Variants in CASKIN1 observed in about 807,000 individuals in gnomAD.
CASKIN1 encodes the protein CASK interacting protein 1.
A neutral mutation model predicts 117.5 loss-of-function variants in CASKIN1; 42 were observed. The ratio of observed to expected loss-of-function variants is 0.36; its 90% CI spans 0.28 to 0.46. CASKIN1 has a LOEUF of 0.46. CASKIN1 is among the 20% of genes least tolerant of loss of function. The pLI is 1.00. For missense variants in CASKIN1, 2,083 were observed against 2,077.3 expected, an observed-to-expected ratio of 1.00 and a Z score of -0.05; for synonymous variants, 1,148 against 961.7, an observed-to-expected ratio of 1.19 and a Z score of -3.59.
intron 1 of CASKIN1, 37 bp from the exon 2 acceptor site, chr16:2,190,395 G>T: frequency 6.5e-7 from 1 of 1,548,412 alleles, no homozygotes; most frequent in Non-Finnish European, 8.7e-7. Context: ...GGGAGGCTGT[G>T]CCAGCCCCTC....
intron 6 of CASKIN1, 76 bp from the exon 7 acceptor site, chr16:2,187,537 A>G: frequency 1.7e-6 from 2 of 1,194,106 alleles, no homozygotes; most frequent in Non-Finnish European, 2.4e-6. Context: ...CCAGGCCTCC[A>G]TTTCCAGGTA....
At chr16:2,194,543 C>A (rs1275656622) in intron 1 of CASKIN1, among the ~76,000 whole-genome samples, 4 of 152,240 alleles carry the variant, frequency 2.6e-5, no homozygotes, top group Non-Finnish European at 5.9e-5. Flanking sequence ...TGCTGGACAC[C>A]CCCCACCTCG....
rs779952744 is a variant in CASKIN1 at position 2,180,581 on chromosome 16, G to A, written c.2787C>T (p.Asn929=). 9.6e-6 allele frequency: 15 copies of A among 1,570,426 alleles called. No individual in the cohort carries two copies. The African/African-American group carries it at 1.5e-4, about 16-fold the overall frequency. ...SVRAPAGADK[N]VNRSQSFAVR... ...CGGCAAAGGACTGGCTGCGGTTGACGTTCTTGTCGGCACCTGCGGGCGCCC... is the reference window on the plus strand; with the variant it reads ...CGGCAAAGGACTGGCTGCGGTTGACATTCTTGTCGGCACCTGCGGGCGCCC... Residue 929 remains asparagine, a synonymous_variant, in exon 18 of 20, where the codon AAC becomes AAT. Coordinates refer to ENST00000343516, the MANE Select transcript of CASKIN1 (RefSeq NM_020764.4).
In CASKIN1 at chr16:2,181,519, G is replaced by A. The variant is rs556281885; in HGVS notation, c.1849C>T (p.Pro617Ser). ...KAEYAKYEGG[P>S]LRRKAPQSLE... ...GACTGGGGCGCCTTCCGGCGCAGGGGGCCCCCCTCATACTTGGCGTATTCA... is the reference window on the plus strand; with the variant it reads ...GACTGGGGCGCCTTCCGGCGCAGGGAGCCCCCCTCATACTTGGCGTATTCA... Residue 617 changes from proline (P) to serine (S), a missense_variant, in exon 18 of 20, where the codon CCC becomes TCC. Coordinates refer to ENST00000343516, the MANE Select transcript of CASKIN1 (RefSeq NM_020764.4). The A allele has an allele frequency of 1.7e-4, 281 of 1,607,220 alleles. No individual in the cohort carries two copies. Among genetic ancestry groups the A allele is most frequent in the Admixed American group, 5.9e-4 (35 of 59,352 alleles).
rs2093157762 is a variant in CASKIN1, at chr16:2,179,301, G to A, written c.3800C>T (p.Pro1267Leu). 12 of 1,232,520 alleles carry A rather than the reference G, an allele frequency of 9.7e-6. No homozygotes were observed. The East Asian group carries it at 3.6e-4, about 37-fold the overall frequency. The allele number at this position is 1,232,520 out of a possible 1,614,324, so 76.3% of individuals were successfully genotyped here. A position where few individuals can be genotyped will look rare whatever the true frequency, so the allele number is the denominator to read the frequency against. ...SPEVKRAHGT[P>L]PPVSPKPPPP... ...CGGCGGCTTGGGAGACACGGGCGGT[G>A]GCGTGCCGTGGGCGCGCTTCACCTC... The change falls in exon 19 of 20, where the codon CCA becomes CTA. Residue 1267 changes from proline to leucine, a missense_variant. By Grantham distance (98) the Pro-to-Leu change is moderately conservative. Coordinates refer to ENST00000343516, the MANE Select transcript of CASKIN1 (RefSeq NM_020764.4). The surrounding 1 kb of genome is among the most constrained non-coding windows in gnomAD (Gnocchi z 5.8).
chr16:2,186,780 A>T lies in CASKIN1; in HGVS notation c.975T>A (p.His325Gln). 1 of 1,613,006 alleles carries T rather than the reference A, an allele frequency of 6.2e-7. No individual in the cohort carries two copies. The stretch of plus-strand genomic sequence containing the variant: ...CCCGGTCATTGCCCGTCCGGTTGTC[A>T]TGGATGCAGCCCTTCCACCGGCCAT... Reference protein sequence around the residue: ...HPDGRWKGCIHDNRTGNDRVG... With the variant: ...HPDGRWKGCIQDNRTGNDRVG... The change falls in exon 10 of 20, where the codon CAT (histidine) becomes CAA (glutamine). Residue 325 changes from histidine (H) to glutamine (Q), a missense_variant. By Grantham distance (24) the His-to-Gln change is conservative. Around this residue, in one of 3 missense-constraint regions of CASKIN1, gnomAD observed 1,818 missense variants for 1,688.9 expected, o/e 1.08. Coordinates refer to ENST00000343516, the MANE Select transcript of CASKIN1 (RefSeq NM_020764.4).
intron 2 of CASKIN1, 37 bp downstream of exon 2, chr16:2,190,270 T>C: frequency 1.3e-6 from 2 of 1,579,646 alleles, no homozygotes; most frequent in Non-Finnish European, 8.6e-7. Context: ...GGAGCCACCC[T>C]CCCTTCCAGG....
rs1412147424 is a variant in CASKIN1, at chr16:2,178,042, T to C, written c.*508A>G. On this transcript the variant is annotated 3_prime_UTR_variant, in exon 20 of 20. Transcript: ENST00000343516. ...AATCAATAATATTTCTTTCTTTAAA[T>C]ATATATTTGTTAAAGTTATACCTTT... 4 of 458,030 alleles carry C rather than the reference T, an allele frequency of 8.7e-6. No individual in the cohort carries two copies. Among genetic ancestry groups the C allele is most frequent in the Non-Finnish European group, 1.6e-5 (4 of 243,094 alleles). 28.4% of individuals were successfully genotyped at this position (458,030 alleles called of 1,614,324 possible).
Position 2,184,975 on chromosome 16 carries a change from C to G in CASKIN1, c.1300G>C (p.Ala434Pro). The change falls in exon 13 of 20, where the codon GCC (alanine) becomes CCC (proline). Residue 434 changes from alanine to proline, a missense_variant. Ala to Pro is a conservative substitution (Grantham distance 27, BLOSUM62 -1). Coordinates refer to ENST00000343516, the MANE Select transcript of CASKIN1 (RefSeq NM_020764.4). ...VSESGPGDSP[A>P]KPPEGSAGVA... ...CCTGCAGAGCCTTCCGGAGGCTTGG[C>G]GGGGCTGTCCCCCGGGCCGGACTCA... The G allele has an allele frequency of 6.2e-7, 1 of 1,605,854 alleles. No individual in the cohort carries two copies.
At chr16:2,181,660 TA>T (rs2093168587) in intron 17 of CASKIN1, 61 bp from the exon 18 acceptor site, 1 of 832,340 alleles carries the variant, frequency 1.2e-6, no homozygotes, top group Non-Finnish European at 1.5e-6. Flanking sequence ...GGGGCCGGGC[TA>T]GGGGCGGGGC....
In CASKIN1 at chr16:2,183,758, G is replaced by A; in HGVS notation, c.1528-11C>T. 6.2e-7 allele frequency: 1 copy of A among 1,613,176 alleles called. No individual in the cohort carries two copies. Among genetic ancestry groups the A allele is most frequent in the African/African-American group, 1.3e-5 (1 of 75,074 alleles). ...AATGGCCGTGAGGTCCTAGGCAGTGGGGAGGCTTGTCAGCTAGGGGCTGGG... is the reference window on the plus strand; with the variant it reads ...AATGGCCGTGAGGTCCTAGGCAGTGAGGAGGCTTGTCAGCTAGGGGCTGGG... On this transcript the variant is annotated splice_polypyrimidine_tract_variant and intron_variant, in intron 15 of 19. Coordinates refer to ENST00000343516, the MANE Select transcript of CASKIN1 (RefSeq NM_020764.4).
At position 2,190,073 on chromosome 16, in the gene CASKIN1, C is replaced by G; in HGVS notation, c.244G>C (p.Gly82Arg). 1 of 1,612,628 alleles carries G rather than the reference C, an allele frequency of 6.2e-7. No individual in the cohort carries two copies. The highest frequency in any genetic ancestry group is 8.5e-7 in the Non-Finnish European group (1 of 1,179,870). Residue 82 changes from glycine (G) to arginine (R), a missense_variant and splice_region_variant, in exon 3 of 20, where the codon GGC becomes CGC. Around this residue, in one of 3 missense-constraint regions of CASKIN1, gnomAD observed 203 missense variants for 338.7 expected, o/e 0.60. Transcript: ENST00000343516. Reference protein sequence around the residue: ...QAAVDIKDNKGMRPLHYAAWQ... With the variant: ...QAAVDIKDNKRMRPLHYAAWQ... The stretch of plus-strand genomic sequence containing the variant: ...ACCAGAGGCCCTCGGCTAGTCTTGC[C>G]TTTGTTGTCCTTGATGTCCACAGCG...
rs2093155974 is a variant in CASKIN1, at chr16:2,178,935, TCCTCCACCG to T, written c.4157_4165del (p.Ala1386_Glu1388del). ...CTGCGCGTCCTCCTGCCGGATCTTC[TCCTCCACCG>T]CCTGCAGCGCCGCGGCCAGGCACGC... is the stretch of plus-strand genomic sequence containing the variant. On this transcript the variant is annotated inframe_deletion, in exon 19 of 20. Transcript: ENST00000343516. 2 of 1,493,090 alleles carry T rather than the reference TCCTCCACCG, an allele frequency of 1.3e-6. No individual in the cohort carries two copies. Among genetic ancestry groups the T allele is most frequent in the African/African-American group, 1.5e-5 (1 of 68,594 alleles). The allele number at this position is 1,493,090 out of a possible 1,614,324, so 92.5% of individuals were successfully genotyped here.
At position 2,180,570 on chromosome 16, in the gene CASKIN1, C is replaced by G; in HGVS notation, c.2798G>C (p.Ser933Thr). 6.4e-7 allele frequency: 1 copy of G among 1,564,806 alleles called. No homozygotes were observed. Among genetic ancestry groups the G allele is most frequent in the South Asian group, 1.2e-5 (1 of 86,586 alleles). Residue 933 changes from serine to threonine, a missense_variant, in exon 18 of 20, where the codon AGC (serine) becomes ACC (threonine). By Grantham distance (58) the Ser-to-Thr change is moderately conservative. Transcript: ENST00000343516. ...TCGGGGCCGCACGGCAAAGGACTGG[C>G]TGCGGTTGACGTTCTTGTCGGCACC... ...PAGADKNVNRSQSFAVRPRKK... is the reference protein window; with the variant it reads ...PAGADKNVNRTQSFAVRPRKK...
Position 2,189,400 on chromosome 16 carries a change from GC to G in CASKIN1, c.390+18del. 1 of 1,609,834 alleles carries G rather than the reference GC, an allele frequency of 6.2e-7. No individual in the cohort carries two copies. Among genetic ancestry groups the G allele is most frequent in the Non-Finnish European group, 8.5e-7 (1 of 1,178,540 alleles). On this transcript the variant is annotated intron_variant, in intron 4 of 19. Coordinates refer to ENST00000343516, the MANE Select transcript of CASKIN1 (RefSeq NM_020764.4). ...CGCGCTGCCCCGCCCCCGCTGCCCC[GC>G]CCCCGCTCGGGCCTCACCACATCAT...
chr16:2,183,392 T>C (rs926136026), intron 16 of CASKIN1, among the ~76,000 whole-genome samples: 23 of 152,232 alleles, frequency 1.5e-4, no homozygotes, highest in Admixed American at 1.4e-3. Flanking sequence ...GGTGAGAGCA[T>C]GGACGTGGGG....
chr16:2,182,532 C>T lies in CASKIN1; in HGVS notation c.1630-603G>A, dbSNP rs532864640. Among the ~76,000 whole-genome samples the T allele has an allele frequency of 1.3e-5, 2 of 152,298 alleles. No homozygotes were observed. The highest frequency in any genetic ancestry group is 3.9e-4 in the East Asian group (2 of 5,174). ...TCACTCATGCAACTGCTCTTGAACA[C>T]TCAGCCACCCCCAGGTGCGCGGCAA... On this transcript the variant is annotated intron_variant, in intron 16 of 19. Transcript: ENST00000343516. This position sits in a 1 kb window ranked among gnomAD's most constrained non-coding sequence, Gnocchi z 4.1.
At chr16:2,191,695 C>A (rs1214016138) in intron 1 of CASKIN1, among the ~76,000 whole-genome samples, 1 of 152,392 alleles carries the variant, frequency 6.6e-6, no homozygotes, top group East Asian at 1.9e-4. Flanking sequence ...ACACTGCTGG[C>A]ACCAGTGTCC....
chr16:2,185,071 C>G, intron 12 of CASKIN1, 36 bp from the exon 13 acceptor site: 1 of 1,607,356 alleles, frequency 6.2e-7, no homozygotes, highest in South Asian at 1.1e-5. Flanking sequence ...CACCTGCTCC[C>G]AGCCCTGGCC....
Sources: allele counts gnomAD v4.1 joint callset (sites outside exome capture counted in the v4.1 genomes callset), GRCh38; gene constraint gnomAD v4.1.1; regional missense constraint gnomAD v4.1.1; non-coding constraint Gnocchi (gnomAD v3.1); transcripts MANE v1.5; gene names NCBI Gene and HGNC (gene_info 2026-07-23, HGNC 2026-07-21).